KIF4A: variants seen among roughly 807,000 people sequenced by gnomAD.
KIF4A encodes kinesin family member 4A.
Under a neutral mutation model 105.9 loss-of-function variants are expected in KIF4A, and 7 were observed. The ratio of observed to expected loss-of-function variants is 0.07; its 90% CI spans 0.04 to 0.12. The LOEUF is 0.12. KIF4A is among the 10% of genes least tolerant of loss of function. The pLI, the probability that KIF4A is intolerant of heterozygous loss-of-function variation, is 1.00. For synonymous variants in KIF4A, 281 were observed against 331.3 expected (o/e 0.85, Z 1.65); for missense variants, 558 against 929.2 (o/e 0.60, Z 5.19).
intron 28 of KIF4A, among the ~76,000 whole-genome samples, chrX:70,413,096 T>C (rs2086328829): frequency 8.9e-6 from 1 of 112,286 alleles, no homozygotes; most frequent in Non-Finnish European, 1.9e-5. Context: ...CATTGGTATG[T>C]AAATGTATTT....
intron 7 of KIF4A, among the ~76,000 whole-genome samples, chrX:70,322,919 A>G (rs920558028): frequency 4.6e-5 from 5 of 109,857 alleles, no homozygotes; most frequent in African/African-American, 1.7e-4. Flanking sequence ...ACCAATCAGC[A>G]GCCAGAGTAT....
chrX:70,324,043 G>A (rs772337467), intron 7 of KIF4A, among the ~76,000 whole-genome samples: 1 of 110,923 alleles, frequency 9.0e-6, no homozygotes, highest in South Asian at 3.8e-4. Flanking sequence ...GACCAGGCTG[G>A]TTTTGAACTC....
At chrX:70,299,823 C>T (rs1299726715) in intron 5 of KIF4A, among the ~76,000 whole-genome samples, 2 of 111,887 alleles carry the variant, frequency 1.8e-5, no homozygotes, top group African/African-American at 6.5e-5. Context: ...ATTTTTAAAA[C>T]ATGTAAGTAT....
intron 28 of KIF4A, chrX:70,415,462 G>C (rs756214789): frequency 2.0e-4 from 37 of 188,421 alleles, no homozygotes; most frequent in South Asian, 1.1e-3. Context: ...CAAAAAATTA[G>C]CCAGGCATGG....
intron 20 of KIF4A, 93 bp from the exon 21 acceptor site, chrX:70,395,578 C>G: frequency 5.5e-6 from 6 of 1,090,731 alleles, no homozygotes; most frequent in Admixed American, 4.6e-5. Context: ...TACTTGGGCT[C>G]TGGTCCAAAT....
chrX:70,377,556 C>G (rs1256531327), intron 18 of KIF4A, among the ~76,000 whole-genome samples: 2 of 112,446 alleles, frequency 1.8e-5, no homozygotes, highest in Non-Finnish European at 3.7e-5. Flanking sequence ...CCAACAACAG[C>G]AGGATATACA....
intron 18 of KIF4A, among the ~76,000 whole-genome samples, chrX:70,380,331 T>TA (rs2086192629): frequency 8.9e-6 from 1 of 111,969 alleles, no homozygotes; most frequent in Admixed American, 9.5e-5. Context: ...ATGATACACT[T>TA]ATGACCAAGT....
intron 18 of KIF4A, among the ~76,000 whole-genome samples, chrX:70,379,730 G>A (rs991399551): frequency 7.4e-5 from 8 of 107,797 alleles, no homozygotes; most frequent in African/African-American, 1.4e-4. Flanking sequence ...GGCGAAGGTT[G>A]CAGTGAGCCA....
At chrX:70,344,965 T>C (rs1426804793) in intron 13 of KIF4A, among the ~76,000 whole-genome samples, 1 of 112,023 alleles carries the variant, frequency 8.9e-6, no homozygotes, top group African/African-American at 3.2e-5. Flanking sequence ...TGTTTTAGAA[T>C]AAGGAGTACT....
chrX:70,329,057 A>G (rs1055865756), intron 7 of KIF4A, among the ~76,000 whole-genome samples: 1 of 111,557 alleles, frequency 9.0e-6, no homozygotes, highest in African/African-American at 3.3e-5. Flanking sequence ...GTAAAAAAAA[A>G]CCTGTTCATC....
At chrX:70,404,952 A>G in intron 25 of KIF4A, 130 bp downstream of exon 25, 1 of 453,457 alleles carries the variant, frequency 2.2e-6, no homozygotes, top group Non-Finnish European at 3.8e-6. Context: ...GGTAGCCTCT[A>G]CTGCTTTTAG....
intron 23 of KIF4A, among the ~76,000 whole-genome samples, chrX:70,403,039 G>A (rs1289033374): frequency 8.9e-6 from 1 of 111,874 alleles, no homozygotes; most frequent in Non-Finnish European, 1.9e-5. Context: ...CCTATGAGAT[G>A]TATATTCAAA....
chrX:70,299,825 T>C (rs1461972761), intron 5 of KIF4A, among the ~76,000 whole-genome samples: 1 of 112,286 alleles, frequency 8.9e-6, no homozygotes, highest in African/African-American at 3.2e-5. Flanking sequence ...TTTTAAAACA[T>C]GTAAGTATCA....
intron 26 of KIF4A, 21 bp downstream of exon 26, chrX:70,405,926 C>G (rs778876469): frequency 8.7e-7 from 1 of 1,155,583 alleles, no homozygotes; most frequent in South Asian, 1.8e-5. Context: ...TTCCCACCCA[C>G]TTGATAAGCC....
intron 15 of KIF4A, among the ~76,000 whole-genome samples, chrX:70,363,901 C>G (rs1256602884): frequency 5.4e-5 from 6 of 111,846 alleles, no homozygotes; most frequent in African/African-American, 1.9e-4. Flanking sequence ...TCTCCAGTAC[C>G]TATTGTTTCC....
chrX:70,349,610 G>A (rs1285159106), intron 13 of KIF4A, among the ~76,000 whole-genome samples: 2 of 95,809 alleles, frequency 2.1e-5, no homozygotes, highest in African/African-American at 7.9e-5. Flanking sequence ...CATCCCAGAC[G>A]GGGTGGTGGC....
intron 28 of KIF4A, among the ~76,000 whole-genome samples, chrX:70,412,264 T>C (rs5980932): frequency 0.017 from 1,851 of 111,937 alleles, 36 homozygotes; most frequent in African/African-American, 0.056. Context: ...ACCCATTGGA[T>C]TCCACTAATT....
intron 1 of KIF4A, 77 bp from the exon 2 acceptor site, chrX:70,290,361 G>C: frequency 6.3e-6 from 7 of 1,112,592 alleles, no homozygotes; most frequent in Non-Finnish European, 8.4e-6. Context: ...GAGGAGGGTC[G>C]GAACCGGGGA....
intron 9 of KIF4A, among the ~76,000 whole-genome samples, chrX:70,331,618 T>C (rs2085930988): frequency 1.2e-5 from 1 of 85,618 alleles, no homozygotes; most frequent in African/African-American, 3.8e-5. Flanking sequence ...TAATGCAGGG[T>C]TGCCACAGAT....
Sources: allele counts gnomAD v4.1 joint callset (sites outside exome capture counted in the v4.1 genomes callset), GRCh38; gene constraint gnomAD v4.1.1; transcripts MANE v1.5; gene names NCBI Gene and HGNC (gene_info 2026-07-23, HGNC 2026-07-21).